DGKB: variants seen among roughly 807,000 people sequenced by gnomAD.
DGKB encodes the protein 90 kDa diacylglycerol kinase.
In DGKB, 67 loss-of-function variants were observed where a neutral mutation model predicts 114.3. The observed-to-expected ratio is 0.59, with a 90% CI of 0.48 to 0.72. The LOEUF (loss-of-function observed/expected upper bound fraction) is 0.72, where lower values mean the gene tolerates loss of function less well. Among genes scored for constraint, DGKB ranks in the 30% least tolerant of loss-of-function variants. DGKB has a pLI of 0.00. For missense variants in DGKB, 907 were observed against 975.2 expected, an observed-to-expected ratio of 0.93 and a Z score of 0.93; for synonymous variants, 398 against 323.1, an observed-to-expected ratio of 1.23 and a Z score of -2.49.
At chr7:14,941,423 T>C (rs148980361) in intron 1 of DGKB, among the ~76,000 whole-genome samples, 49 of 152,204 alleles carry the variant, frequency 3.2e-4, no homozygotes, top group South Asian at 1.4e-3. Context: ...AGGAAGAAGA[T>C]ATGTTTTTCA....
At chr7:14,594,689 T>C (rs75514627) in intron 17 of DGKB, among the ~76,000 whole-genome samples, 1 of 152,274 alleles carries the variant, frequency 6.6e-6, no homozygotes, top group East Asian at 1.9e-4. Context: ...TGAATGATTT[T>C]AATATTAATA....
At chr7:14,577,745 T>C (rs1799374825) in intron 19 of DGKB, among the ~76,000 whole-genome samples, 1 of 152,202 alleles carries the variant, frequency 6.6e-6, no homozygotes, top group South Asian at 2.1e-4. Flanking sequence ...AAAAGAATGC[T>C]AATTAAGCTA....
chr7:14,239,320 T>A (rs1411552073), intron 23 of DGKB, among the ~76,000 whole-genome samples: 1 of 151,960 alleles, frequency 6.6e-6, no homozygotes, highest in Non-Finnish European at 1.5e-5. Context: ...AATGTTAAAA[T>A]GTATTCAGCA....
chr7:14,349,077 G>T (rs1359793087), intron 21 of DGKB, among the ~76,000 whole-genome samples: 1 of 152,028 alleles, frequency 6.6e-6, no homozygotes, highest in Non-Finnish European at 1.5e-5. Context: ...GGGCTGGAGT[G>T]TTGAAATGCT....
chr7:14,215,475 G>T (rs901934034), intron 23 of DGKB, among the ~76,000 whole-genome samples: 1 of 152,086 alleles, frequency 6.6e-6, no homozygotes, highest in Non-Finnish European at 1.5e-5. Context: ...TCTATGTCAT[G>T]TAGATGTATT....
intron 21 of DGKB, among the ~76,000 whole-genome samples, chr7:14,348,972 A>T (rs963013639): frequency 2.6e-5 from 4 of 152,040 alleles, no homozygotes; most frequent in African/African-American, 9.7e-5. Context: ...ACTTGATCTT[A>T]TGATTAAGAA....
intron 23 of DGKB, among the ~76,000 whole-genome samples, chr7:14,293,586 C>G (rs1433595303): frequency 6.6e-6 from 1 of 152,144 alleles, no homozygotes; most frequent in East Asian, 1.9e-4. Flanking sequence ...CATGTCATCA[C>G]CAAAAATAAC....
chr7:14,265,025 C>A (rs1279211803), intron 23 of DGKB, among the ~76,000 whole-genome samples: 1 of 152,046 alleles, frequency 6.6e-6, no homozygotes, highest in Admixed American at 6.6e-5. Flanking sequence ...TCTGTAAGGA[C>A]TTTAAGTAGA....
chr7:14,747,771 A>G (rs6980436), intron 4 of DGKB, among the ~76,000 whole-genome samples: 454 of 92,098 alleles, frequency 4.9e-3, no homozygotes, highest in African/African-American at 0.031. Flanking sequence ...AAACACATCC[A>G]CGCGCACGCA....
chr7:14,787,489 C>T (rs574958248), intron 2 of DGKB, among the ~76,000 whole-genome samples: 1 of 152,214 alleles, frequency 6.6e-6, no homozygotes, highest in African/African-American at 2.4e-5. Context: ...CAGAGAGTGA[C>T]AAGATCCTTG....
At chr7:14,870,797 A>G (rs1852344145) in intron 1 of DGKB, among the ~76,000 whole-genome samples, 1 of 7,290 alleles carries the variant, frequency 1.4e-4, no homozygotes, top group Non-Finnish European at 3.9e-3. Flanking sequence ...TTTGTCTTAA[A>G]AAAAAGAAAA....
intron 23 of DGKB, among the ~76,000 whole-genome samples, chr7:14,185,852 T>C (rs1390685376): frequency 6.6e-6 from 1 of 152,178 alleles, no homozygotes; most frequent in African/African-American, 2.4e-5. Context: ...TCTCTCACCT[T>C]ATACAAAAAT....
intron 22 of DGKB, 146 bp downstream of exon 22, chr7:14,345,155 T>A: frequency 1.8e-6 from 1 of 555,212 alleles, no homozygotes; most frequent in Non-Finnish European, 3.2e-6. Flanking sequence ...TCCAAATGAG[T>A]GAAAGGAATG....
intron 23 of DGKB, among the ~76,000 whole-genome samples, chr7:14,292,532 T>C (rs114922976): frequency 0.01 from 1,584 of 152,332 alleles, 26 homozygotes; most frequent in African/African-American, 0.037. Flanking sequence ...TAGCAGTGTT[T>C]TTGAGCCCCC....
intron 23 of DGKB, among the ~76,000 whole-genome samples, chr7:14,272,547 A>G (rs1339827758): frequency 6.6e-6 from 1 of 152,192 alleles, no homozygotes; most frequent in Non-Finnish European, 1.5e-5. Context: ...GCACATAATG[A>G]CTTCAAGATT....
At chr7:14,687,020 G>T (rs1821818454) in intron 9 of DGKB, among the ~76,000 whole-genome samples, 1 of 151,876 alleles carries the variant, frequency 6.6e-6, no homozygotes, top group Admixed American at 6.6e-5. Context: ...AGGTGAAATG[G>T]GCTTGTTTCC....
chr7:14,362,688 G>A (rs1240440977), intron 21 of DGKB, among the ~76,000 whole-genome samples: 1 of 152,004 alleles, frequency 6.6e-6, no homozygotes, highest in East Asian at 1.9e-4. Flanking sequence ...AGTTAATCTA[G>A]TCAATTTCTG....
chr7:14,585,883 G>A (rs998670409), intron 17 of DGKB, among the ~76,000 whole-genome samples: 1 of 152,120 alleles, frequency 6.6e-6, no homozygotes, highest in Non-Finnish European at 1.5e-5. Context: ...GCCCATGTAA[G>A]ACAGAGAACA....
intron 21 of DGKB, among the ~76,000 whole-genome samples, chr7:14,474,723 G>C (rs1240646053): frequency 1.3e-5 from 2 of 151,768 alleles, no homozygotes; most frequent in Non-Finnish European, 1.5e-5. Context: ...TGTGAATTAT[G>C]AATGTAAATA....
Sources: allele counts gnomAD v4.1 joint callset (sites outside exome capture counted in the v4.1 genomes callset), GRCh38; gene constraint gnomAD v4.1.1; transcripts MANE v1.5; gene names NCBI Gene and HGNC (gene_info 2026-07-23, HGNC 2026-07-21).